Variants in RAB43 observed in about 807,000 individuals in gnomAD.
The protein encoded by RAB43 is RAB43, member RAS oncogene family, also known as ras-related protein Rab-43.
Under a neutral mutation model 18.8 loss-of-function variants are expected in RAB43, and 6 were observed. That is an observed-to-expected ratio of 0.32 (90% confidence interval 0.17 to 0.63). The LOEUF (loss-of-function observed/expected upper bound fraction) is 0.63. RAB43 is among the 30% of genes least tolerant of loss of function. RAB43 has a pLI of 0.79. For synonymous variants in RAB43, 103 were observed against 124.1 expected (o/e 0.83, Z 1.13); for missense variants, 195 against 289.1 (o/e 0.67, Z 2.36).
intron 1 of RAB43, among the ~76,000 whole-genome samples, chr3:129,105,425 C>T (rs968695189): frequency 6.6e-6 from 1 of 151,830 alleles, no homozygotes; most frequent in Non-Finnish European, 1.5e-5. Flanking sequence ...TGCACTCCAG[C>T]CTGGGCAACA....
intron 1 of RAB43, among the ~76,000 whole-genome samples, chr3:129,106,975 A>G (rs1479629072): frequency 6.6e-6 from 1 of 152,172 alleles, no homozygotes; most frequent in Non-Finnish European, 1.5e-5. Context: ...TTTCCTCCCC[A>G]GTCACCCAGG....
chr3:129,111,471 C>T (rs1049418930), intron 1 of RAB43, among the ~76,000 whole-genome samples: 6 of 144,788 alleles, frequency 4.1e-5, no homozygotes, highest in Non-Finnish European at 1.5e-5. Flanking sequence ...GCTGAGATGG[C>T]ACCACTGCAC....
chr3:129,106,412 C>T (rs1446581244), intron 1 of RAB43, among the ~76,000 whole-genome samples: 3 of 152,290 alleles, frequency 2.0e-5, no homozygotes, highest in Non-Finnish European at 1.5e-5. Context: ...GTGGGCCATG[C>T]GAGCTCCTGA....
intron 1 of RAB43, among the ~76,000 whole-genome samples, chr3:129,097,528 G>C (rs1934139390): frequency 1.3e-5 from 2 of 152,174 alleles, no homozygotes; most frequent in Non-Finnish European, 2.9e-5. Context: ...CTCAGGGAGT[G>C]ACTGAAAGTT....
intron 1 of RAB43, among the ~76,000 whole-genome samples, chr3:129,112,756 CT>C (rs112217631): frequency 0.038 from 5,515 of 143,396 alleles, 208 homozygotes; most frequent in East Asian, 0.11. Flanking sequence ...GTTTTTGTTG[CT>C]TTTTTTTTTT....
At chr3:129,119,742 C>A (rs1935784564) in intron 1 of RAB43, among the ~76,000 whole-genome samples, 1 of 152,214 alleles carries the variant, frequency 6.6e-6, no homozygotes, top group African/African-American at 2.4e-5. Context: ...GCGCAGTAAA[C>A]CAGGAGCTCT....
chr3:129,101,042 G>A (rs1392909253), intron 1 of RAB43, among the ~76,000 whole-genome samples: 1 of 152,146 alleles, frequency 6.6e-6, no homozygotes, highest in Non-Finnish European at 1.5e-5. Context: ...CTGACCTCAG[G>A]TGATCCACCC....
rs1350373219 is a variant in RAB43 at position 129,088,087 on chromosome 3, AG to A, written c.*3008del. The A allele has an allele frequency of 1.3e-5, 2 of 152,158 alleles. 1 individual carries two copies. Among genetic ancestry groups the A allele is most frequent in the Middle Eastern group, 6.3e-3 (2 of 316 alleles). The allele number at this position is 152,158 out of a possible 1,614,324, so 9.4% of individuals were successfully genotyped here. On this transcript the variant is annotated 3_prime_UTR_variant, in exon 3 of 3. Transcript: ENST00000315150. ...CGGGAGAGCTTAGCCTGCCAAGGGG[AG>A]GAAACAAGCCGGCTTTGTTTTGTCT... is the stretch of plus-strand genomic sequence containing the variant.
chr3:129,091,320 G>A lies in RAB43; in HGVS notation c.415C>T (p.Arg139Trp). 9 of 1,603,280 alleles carry A rather than the reference G, an allele frequency of 5.6e-6. No individual in the cohort carries two copies. Among genetic ancestry groups the A allele is most frequent in the African/African-American group, 1.3e-5 (1 of 74,880 alleles). The change falls in exon 3 of 3, where the codon CGG becomes TGG. Residue 139 changes from arginine to tryptophan, a missense_variant. Transcript: ENST00000315150. ...TGTGCCTCAGCCAAGGAGACCTCCC[G>A]AAGCTCGCTGAGGTCTGACTTGTTC... ...IGNKSDLSEL[R>W]EVSLAEAQSL... is the part of the protein sequence containing the mutation.
chr3:129,100,880 C>A (rs1934370166), intron 1 of RAB43, among the ~76,000 whole-genome samples: 1 of 152,200 alleles, frequency 6.6e-6, no homozygotes, highest in Non-Finnish European at 1.5e-5. Flanking sequence ...GATCTCTGCT[C>A]ACCGCAACCT....
intron 1 of RAB43, among the ~76,000 whole-genome samples, chr3:129,121,065 C>T (rs1282443020): frequency 9.9e-6 from 1 of 100,888 alleles, no homozygotes; most frequent in Non-Finnish European, 1.9e-5. Flanking sequence ...TCCACACTCC[C>T]TCGCCCCCCC....
intron 1 of RAB43, among the ~76,000 whole-genome samples, chr3:129,103,102 C>A (rs1934535192): frequency 6.6e-6 from 1 of 152,216 alleles, no homozygotes; most frequent in Non-Finnish European, 1.5e-5. Flanking sequence ...CTGAGGGGCG[C>A]TGGGACTCGG....
chr3:129,093,588 G>A (rs769788808), intron 2 of RAB43, among the ~76,000 whole-genome samples: 9 of 150,886 alleles, frequency 6.0e-5, no homozygotes, highest in African/African-American at 1.2e-4. Flanking sequence ...CCAGCCTGGC[G>A]ACAGAGCGAG....
chr3:129,119,328 T>G (rs1935755620), intron 1 of RAB43, among the ~76,000 whole-genome samples: 1 of 152,168 alleles, frequency 6.6e-6, no homozygotes, highest in Non-Finnish European at 1.5e-5. Flanking sequence ...ACTTCAGGTT[T>G]TCCTGCCGGC....
rs1217473083 is a variant in RAB43, at chr3:129,095,191, G to A, written c.205-22C>T. On this transcript the variant is annotated intron_variant, in intron 1 of 2. Transcript: ENST00000315150. This position sits in a 1 kb window ranked among gnomAD's most constrained non-coding sequence, Gnocchi z 4.2. ...GCAGCTAAAGAAATAAGGTTCCTCAGTGAACCCAGTGGCACAGGCTGAACA... is the reference window on the plus strand; with the variant it reads ...GCAGCTAAAGAAATAAGGTTCCTCAATGAACCCAGTGGCACAGGCTGAACA... 1.2e-6 allele frequency: 2 copies of A among 1,607,896 alleles called. No homozygotes were observed. Among genetic ancestry groups the A allele is most frequent in the South Asian group, 2.2e-5 (2 of 90,114 alleles).
chr3:129,118,604 G>A (rs917272085), intron 1 of RAB43, among the ~76,000 whole-genome samples: 10 of 152,176 alleles, frequency 6.6e-5, no homozygotes, highest in Non-Finnish European at 1.0e-4. Context: ...TCATTGTAAA[G>A]AATCACAGGG....
chr3:129,096,378 CAGTG>C (rs990575005), intron 1 of RAB43, among the ~76,000 whole-genome samples: 1 of 152,256 alleles, frequency 6.6e-6, no homozygotes, highest in Non-Finnish European at 1.5e-5. Context: ...ATTTACTCCT[CAGTG>C]AGTGGCTCTA....
intron 1 of RAB43, among the ~76,000 whole-genome samples, chr3:129,103,361 T>C (rs897009786): frequency 2.0e-5 from 3 of 152,230 alleles, no homozygotes; most frequent in African/African-American, 7.2e-5. Context: ...CACAGAACAA[T>C]GCAGCTTCTG....
At chr3:129,103,065 C>T (rs1934530702) in intron 1 of RAB43, among the ~76,000 whole-genome samples, 1 of 152,162 alleles carries the variant, frequency 6.6e-6, no homozygotes, top group African/African-American at 2.4e-5. Context: ...GACCAGGAGC[C>T]GACATTATAG....
Sources: allele counts gnomAD v4.1 joint callset (sites outside exome capture counted in the v4.1 genomes callset), GRCh38; gene constraint gnomAD v4.1.1; non-coding constraint Gnocchi (gnomAD v3.1); transcripts MANE v1.5; gene names NCBI Gene and HGNC (gene_info 2026-07-23, HGNC 2026-07-21).